The following TAFA1 variants were observed in gnomAD, a reference collection of about 807,000 sequenced individuals.
The protein encoded by TAFA1 is chemokine-like protein TAFA-1.
Under a neutral mutation model 18.5 loss-of-function variants are expected in TAFA1, and 4 were observed. The observed-to-expected ratio is 0.22, with a 90% CI of 0.11 to 0.49. TAFA1 has a LOEUF of 0.49. TAFA1 is among the 20% of genes least tolerant of loss of function. The probability of loss-of-function intolerance (pLI) is 0.98; values close to 1 mark genes in which losing one functional copy is unlikely to be tolerated. For synonymous variants in TAFA1, 56 were observed against 55.2 expected (o/e 1.01, Z -0.06); for missense variants, 147 against 169.0 (o/e 0.87, Z 0.72).
chr3:68,527,764 A>T (rs768673576), intron 3 of TAFA1, among the ~76,000 whole-genome samples: 1 of 152,144 alleles, frequency 6.6e-6, no homozygotes, highest in Non-Finnish European at 1.5e-5. Context: ...GTAAATGATT[A>T]GCTTTTGAAT....
rs546133545 is a variant in TAFA1, at chr3:68,334,291, A to G, written c.119-82989A>G. ...TTTTCCTTTCTTCATTCTTCAAGAT[A>G]GGAACAGAGAACATTCATTCTATTA... is the stretch of plus-strand genomic sequence containing the variant. On this transcript the variant is annotated intron_variant, in intron 2 of 4. Coordinates refer to ENST00000478136, the MANE Select transcript of TAFA1 (RefSeq NM_213609.4). Among the ~76,000 whole-genome samples, 4 of 152,338 alleles carry G rather than the reference A, an allele frequency of 2.6e-5. No homozygotes were observed. The East Asian group carries it at 5.8e-4, about 22-fold the overall frequency.
chr3:68,227,669 T>C (rs762764712), intron 2 of TAFA1, among the ~76,000 whole-genome samples: 12 of 152,186 alleles, frequency 7.9e-5, no homozygotes, highest in Admixed American at 6.5e-5. Context: ...GCTGACCACT[T>C]ATATATTATG....
intron 4 of TAFA1, among the ~76,000 whole-genome samples, chr3:68,539,967 C>T (rs2106792308): frequency 6.6e-6 from 1 of 152,150 alleles, no homozygotes; most frequent in Admixed American, 6.5e-5. Context: ...TTACAAATCC[C>T]AGTATGCTGA....
chr3:68,394,939 A>G (rs551695994), intron 2 of TAFA1, among the ~76,000 whole-genome samples: 88 of 152,312 alleles, frequency 5.8e-4, no homozygotes, highest in Middle Eastern at 6.8e-3. Flanking sequence ...AAAAGCCACA[A>G]TTGACAAATG....
intron 2 of TAFA1, among the ~76,000 whole-genome samples, chr3:68,289,295 C>A (rs9829000): frequency 0.065 from 9,833 of 152,192 alleles, 507 homozygotes; most frequent in African/African-American, 0.14. Flanking sequence ...TTTGTTGACT[C>A]TAAGTGCTCC....
intron 2 of TAFA1, among the ~76,000 whole-genome samples, chr3:68,208,294 T>A (rs1363881373): frequency 6.6e-6 from 1 of 151,934 alleles, no homozygotes; most frequent in Non-Finnish European, 1.5e-5. Flanking sequence ...TCGTGTTGAT[T>A]GGAGTCGTGT....
intron 2 of TAFA1, among the ~76,000 whole-genome samples, chr3:68,370,908 G>A (rs1482965223): frequency 6.6e-6 from 1 of 151,048 alleles, no homozygotes; most frequent in Non-Finnish European, 1.5e-5. Flanking sequence ...GATATTTTGG[G>A]GTATAATCTT....
At chr3:68,408,141 C>T (rs936904032) in intron 2 of TAFA1, among the ~76,000 whole-genome samples, 2 of 152,140 alleles carry the variant, frequency 1.3e-5, no homozygotes, top group Non-Finnish European at 2.9e-5. Flanking sequence ...TTACATATTA[C>T]AGCTTTTAAA....
chr3:68,204,721 C>T (rs2066506452), intron 2 of TAFA1, among the ~76,000 whole-genome samples: 1 of 151,772 alleles, frequency 6.6e-6, no homozygotes, highest in African/African-American at 2.4e-5. Flanking sequence ...CCATATAGAG[C>T]TCTAACTTAT....
intron 2 of TAFA1, among the ~76,000 whole-genome samples, chr3:68,356,753 T>C (rs1166250150): frequency 7.2e-5 from 11 of 151,976 alleles, no homozygotes; most frequent in Admixed American, 7.2e-4. Flanking sequence ...AAAATTGATA[T>C]ATATGGAATA....
chr3:68,419,249 G>A (rs923795198), intron 3 of TAFA1, among the ~76,000 whole-genome samples: 12 of 152,148 alleles, frequency 7.9e-5, no homozygotes, highest in South Asian at 2.1e-4. Flanking sequence ...GTGGTAGACC[G>A]CAAGGGCTGG....
chr3:68,493,521 A>G (rs2072491743), intron 3 of TAFA1, among the ~76,000 whole-genome samples: 1 of 152,182 alleles, frequency 6.6e-6, no homozygotes, highest in South Asian at 2.1e-4. Context: ...AAATTGCTGG[A>G]TCATACAGTA....
intron 2 of TAFA1, among the ~76,000 whole-genome samples, chr3:68,201,279 G>A (rs1300755450): frequency 1.3e-5 from 2 of 151,654 alleles, no homozygotes; most frequent in Non-Finnish European, 3.0e-5. Context: ...ATGTGTTATA[G>A]TATATTCTAT....
At chr3:67,999,503 A>G (rs1428377988), upstream of TAFA1, among the ~76,000 whole-genome samples, 1 of 152,172 alleles carries the variant, frequency 6.6e-6, no homozygotes, top group Admixed American at 6.5e-5. Context: ...TTCTAGGTCC[A>G]ATATACTGAA....
intron 2 of TAFA1, among the ~76,000 whole-genome samples, chr3:68,412,780 T>C (rs2070740974): frequency 6.6e-6 from 1 of 152,210 alleles, no homozygotes; most frequent in African/African-American, 2.4e-5. Flanking sequence ...CTATCATTGG[T>C]GGACATTTGG....
intron 2 of TAFA1, among the ~76,000 whole-genome samples, chr3:68,384,938 A>G (rs910223510): frequency 1.3e-4 from 20 of 151,704 alleles, no homozygotes; most frequent in Non-Finnish European, 2.7e-4. Flanking sequence ...GTCTTTTTTC[A>G]TCTTTGTTGG....
At chr3:68,064,250 T>C (rs562860990) in intron 2 of TAFA1, among the ~76,000 whole-genome samples, 2 of 151,946 alleles carry the variant, frequency 1.3e-5, no homozygotes, top group South Asian at 2.1e-4. Context: ...AAAAAAGAAA[T>C]GGGGATAGTT....
intron 2 of TAFA1, among the ~76,000 whole-genome samples, chr3:68,387,313 G>T (rs967683919): frequency 2.6e-5 from 4 of 151,990 alleles, no homozygotes; most frequent in African/African-American, 9.7e-5. Flanking sequence ...TTGCAAAAGG[G>T]GGCTATTTTA....
intron 3 of TAFA1, among the ~76,000 whole-genome samples, chr3:68,471,824 G>A (rs573413902): frequency 6.6e-6 from 1 of 152,290 alleles, no homozygotes; most frequent in South Asian, 2.1e-4. Flanking sequence ...AACCATCACA[G>A]TGTATGCAAA....
Sources: gnomAD v4.1 joint callset for allele counts (sites outside exome capture counted in the v4.1 genomes callset) on GRCh38, gnomAD v4.1.1 for gene constraint, MANE v1.5 for transcripts, NCBI Gene and HGNC (gene_info 2026-07-23, HGNC 2026-07-21) for gene names.